The following STARD13 variants were observed in gnomAD, a reference collection of about 807,000 sequenced individuals.
The protein encoded by STARD13 is StAR related lipid transfer domain containing 13, also known as stAR-related lipid transfer protein 13.
Under a neutral mutation model 106.4 loss-of-function variants are expected in STARD13, and 62 were observed. The observed-to-expected ratio is 0.58, with a 90% CI of 0.48 to 0.72. The LOEUF is 0.72. Ranked by LOEUF, STARD13 falls within the 30% of genes least tolerant of loss-of-function variation. The pLI is 0.00. For synonymous variants in STARD13, 565 were observed against 553.0 expected (o/e 1.02, Z -0.31); for missense variants, 1,387 against 1,424.0 (o/e 0.97, Z 0.42).
chr13:33,293,712 C>T (rs1892377940), intron 1 of STARD13, among the ~76,000 whole-genome samples: 1 of 152,154 alleles, frequency 6.6e-6, no homozygotes, highest in South Asian at 2.1e-4. Context: ...GCTGCCAGCA[C>T]AGCTAGAATA....
rs1890492618 is a variant in STARD13, at chr13:33,258,749, T to C, written c.169+26721A>G. On this transcript the variant is annotated intron_variant, in intron 1 of 13. Transcript: ENST00000336934. ...CAGTGCAATGGAATTCTGCAATGCATGCTCAACTCTGGAGCCACAGTGACC... is the reference window on the plus strand; with the variant it reads ...CAGTGCAATGGAATTCTGCAATGCACGCTCAACTCTGGAGCCACAGTGACC... 2.0e-5 allele frequency among the ~76,000 whole-genome samples: 3 copies of C among 152,370 alleles called. No individual in the cohort carries two copies. In the South Asian group the frequency reaches 6.2e-4, roughly 32 times the overall value.
rs558181549 is a variant in STARD13 at position 33,299,248 on chromosome 13, C to T, written c.124+51042G>A. 3.3e-5 allele frequency among the ~76,000 whole-genome samples: 5 copies of T among 152,272 alleles called. No individual in the cohort carries two copies. In the East Asian group the frequency reaches 9.6e-4, roughly 29 times the overall value. ...AACAAAATCACCGAATGATGAATTTCTCAGAACATGTCCCCATCATTAAGC... is the reference window on the plus strand; with the variant it reads ...AACAAAATCACCGAATGATGAATTTTTCAGAACATGTCCCCATCATTAAGC... On this transcript the variant is annotated intron_variant, in intron 1 of 5. Coordinates refer to the STARD13 transcript ENST00000567873.
At position 33,264,225 on chromosome 13, in the gene STARD13, G is replaced by A. The variant is rs538803262; in HGVS notation, c.169+21245C>T. Among the ~76,000 whole-genome samples, 178 of 152,336 alleles carry A rather than the reference G, an allele frequency of 1.2e-3. 1 individual carries two copies. Among genetic ancestry groups the A allele is most frequent in the Middle Eastern group, 0.01 (3 of 294 alleles). On this transcript the variant is annotated intron_variant, in intron 1 of 13. Transcript: ENST00000336934. ...GCCAGCCTATGTCACAGTCATCAAA[G>A]AACAGAGACAAGCCATTTCCACCGT... is the stretch of plus-strand genomic sequence containing the variant.
chr13:33,662,496 GA>G, the STARD13 span, among the ~76,000 whole-genome samples: 1 of 152,184 alleles, frequency 6.6e-6, no homozygotes, highest in Non-Finnish European at 1.5e-5. Flanking sequence ...AGGCCCAAGT[GA>G]AGTGTGCACC....
the STARD13 span, among the ~76,000 whole-genome samples, chr13:33,593,455 T>G: frequency 6.6e-6 from 1 of 152,194 alleles, no homozygotes; most frequent in Non-Finnish European, 1.5e-5. Context: ...AGTGCTGGGA[T>G]TACAGGCATG....
chr13:33,572,316 GT>G, the STARD13 span, among the ~76,000 whole-genome samples: 1 of 152,304 alleles, frequency 6.6e-6, no homozygotes, highest in East Asian at 1.9e-4. Context: ...CAGTCACTGA[GT>G]TTTGGCCAAT....
chr13:33,106,129 G>T (rs1415289962), intron 13 of STARD13, among the ~76,000 whole-genome samples: 2 of 152,212 alleles, frequency 1.3e-5, no homozygotes, highest in Non-Finnish European at 2.9e-5. Context: ...AGGCATAAAA[G>T]AAATACATGG....
At chr13:33,529,114 A>G in the STARD13 span, among the ~76,000 whole-genome samples, 1 of 152,184 alleles carries the variant, frequency 6.6e-6, no homozygotes. Flanking sequence ...TATGAGAGCC[A>G]TGACTATGCT....
the STARD13 span, among the ~76,000 whole-genome samples, chr13:33,446,924 C>G: frequency 1.3e-5 from 2 of 152,250 alleles, no homozygotes; most frequent in East Asian, 3.9e-4. Flanking sequence ...ATGGCATAGC[C>G]CACATTTGGG....
chr13:33,315,138 T>C (rs1478641072), intron 1 of STARD13, among the ~76,000 whole-genome samples: 7 of 152,186 alleles, frequency 4.6e-5, no homozygotes. Context: ...TCTTCAGTAA[T>C]GTAAACTAAA....
rs78077274 is a variant in STARD13 at position 33,150,394 on chromosome 13, C to T, written c.324-8021G>A. Among the ~76,000 whole-genome samples the T allele has an allele frequency of 3.7e-3, 568 of 152,300 alleles. 3 individuals carry two copies. The highest frequency in any genetic ancestry group is 0.013 in the African/African-American group (537 of 41,570). ...TGGACAACACTAGGGACCACTTGGA[C>T]TGATGCTTTTATTTTCAGATGAGAA... is the stretch of plus-strand genomic sequence containing the variant. On this transcript the variant is annotated intron_variant, in intron 3 of 13. Transcript: ENST00000336934.
intron 1 of STARD13, among the ~76,000 whole-genome samples, chr13:33,230,661 C>T (rs1390326931): frequency 6.6e-6 from 1 of 152,212 alleles, no homozygotes; most frequent in East Asian, 1.9e-4. Flanking sequence ...TCCTGTTATC[C>T]TCATGTTGAT....
the STARD13 span, among the ~76,000 whole-genome samples, chr13:33,425,925 G>C: frequency 6.6e-6 from 1 of 152,150 alleles, no homozygotes; most frequent in African/African-American, 2.4e-5. Context: ...TACTGAAATT[G>C]TTGTTTTTAC....
At chr13:33,318,895 T>A (rs1893444036) in intron 1 of STARD13, among the ~76,000 whole-genome samples, 1 of 152,002 alleles carries the variant, frequency 6.6e-6, no homozygotes, top group South Asian at 2.1e-4. Flanking sequence ...AATAAAAAAG[T>A]TGGACAATAA....
rs1475006262 is a variant in STARD13 at position 33,243,918 on chromosome 13, T to C, written c.169+41552A>G. On this transcript the variant is annotated intron_variant, in intron 1 of 13. Coordinates refer to ENST00000336934, the MANE Select transcript of STARD13 (RefSeq NM_178006.4). ...GATGAGAGTAAGGGAGTATATGGCT[T>C]CCAGGTCTCTAACTTGGGCACTTAT... 2.6e-5 allele frequency among the ~76,000 whole-genome samples: 4 copies of C among 152,046 alleles called. No individual in the cohort carries two copies. In the East Asian group the frequency reaches 7.7e-4, roughly 29 times the overall value.
the STARD13 span, among the ~76,000 whole-genome samples, chr13:33,459,814 T>C: frequency 2.0e-5 from 3 of 152,228 alleles, no homozygotes; most frequent in African/African-American, 7.2e-5. Context: ...ATTTGAAATA[T>C]ATTTTTTCTG....
intron 1 of STARD13, among the ~76,000 whole-genome samples, chr13:33,316,538 T>C (rs1299782467): frequency 6.6e-6 from 1 of 152,216 alleles, no homozygotes; most frequent in Non-Finnish European, 1.5e-5. Context: ...GGTATTATAA[T>C]CTCTATTTTA....
At chr13:33,609,085 C>CAAAAAAAAAAAAAAAAAAA in the STARD13 span, among the ~76,000 whole-genome samples, 2 of 50,584 alleles carry the variant, frequency 4.0e-5, no homozygotes, top group African/African-American at 1.9e-4. Context: ...GACTCCGTCT[C>CAAAAAAAAAAAAAAAAAAA]AAAAAAAAAA....
the STARD13 span, among the ~76,000 whole-genome samples, chr13:33,611,895 A>G: frequency 6.6e-6 from 1 of 152,198 alleles, no homozygotes. Context: ...GGACCGCACC[A>G]CCATATTTTC....
Sources: allele counts gnomAD v4.1 joint callset (sites outside exome capture counted in the v4.1 genomes callset), GRCh38; gene constraint gnomAD v4.1.1; transcripts MANE v1.5; gene names NCBI Gene and HGNC (gene_info 2026-07-23, HGNC 2026-07-21).